Variants in ANKRD44 observed in about 807,000 individuals in gnomAD.
The protein encoded by ANKRD44 is serine/threonine-protein phosphatase 6 regulatory ankyrin repeat subunit B.
ANKRD44 carries 35 observed loss-of-function variants against 116.0 expected under a neutral mutation model. That is an observed-to-expected ratio of 0.30 (90% confidence interval 0.23 to 0.40). The LOEUF (loss-of-function observed/expected upper bound fraction) is 0.40. Among genes scored for constraint, ANKRD44 ranks in the 10% least tolerant of loss-of-function variants. ANKRD44 has a pLI of 1.00. For synonymous variants in ANKRD44, 435 were observed against 461.8 expected (o/e 0.94, Z 0.74); for missense variants, 1,014 against 1,242.6 (o/e 0.82, Z 2.77).
intron 21 of ANKRD44, among the ~76,000 whole-genome samples, chr2:196,974,478 T>C (rs1360506327): frequency 6.6e-6 from 1 of 152,166 alleles, no homozygotes; most frequent in East Asian, 1.9e-4. Flanking sequence ...AAATGCAATA[T>C]ACCAAAACAT....
rs1014947133 is a variant in ANKRD44, at chr2:197,249,422, C to G, written c.27+61156G>C. Among the ~76,000 whole-genome samples the G allele has an allele frequency of 7.9e-5, 12 of 152,176 alleles. No individual in the cohort carries two copies. The East Asian group carries it at 2.3e-3, about 29-fold the overall frequency. ...AGAGGAAGAGCTTCCCAGTTTTGCT[C>G]TACATGTGGGAGAATGTGGTGGCCA... On this transcript the variant is annotated intron_variant, in intron 1 of 27. Transcript: ENST00000282272.
At chr2:197,179,350 A>G in intron 2 of ANKRD44, among the ~76,000 whole-genome samples, 1 of 152,152 alleles carries the variant, frequency 6.6e-6, no homozygotes, top group Non-Finnish European at 1.5e-5. Flanking sequence ...CCTACCACCA[A>G]ATCGCCCTGA....
intron 2 of ANKRD44, among the ~76,000 whole-genome samples, chr2:197,178,464 C>A (rs1458684932): frequency 6.7e-6 from 1 of 150,138 alleles, no homozygotes; most frequent in Non-Finnish European, 1.5e-5. Flanking sequence ...GAGTGAAACC[C>A]TGTCTCTAAA....
chr2:197,054,168 A>G (rs113497657), intron 16 of ANKRD44, among the ~76,000 whole-genome samples: 35 of 152,244 alleles, frequency 2.3e-4, no homozygotes, highest in Non-Finnish European at 5.0e-4. Context: ...TATGTAATGT[A>G]AACACTTAAT....
rs1354718783 is a variant in ANKRD44, at chr2:197,110,762, T to C, written c.985+4A>G. On this transcript the variant is annotated splice_donor_region_variant and intron_variant, in intron 9 of 27. Coordinates refer to ENST00000282272, the MANE Select transcript of ANKRD44 (RefSeq NM_001195144.2). ...TAATGACACTACTGAAGCATCTCTC[T>C]TACCATTCTGAATGAGGGTCTGTGA... 7 of 1,611,774 alleles carry C rather than the reference T, an allele frequency of 4.3e-6. No individual in the cohort carries two copies. Among genetic ancestry groups the C allele is most frequent in the Non-Finnish European group, 3.4e-6 (4 of 1,177,976 alleles).
At chr2:196,996,809 C>CAGGAG (rs2076020419) in intron 25 of ANKRD44, among the ~76,000 whole-genome samples, 1 of 146,762 alleles carries the variant, frequency 6.8e-6, no homozygotes, top group Admixed American at 7.2e-5. Flanking sequence ...GTGGCTGAGG[C>CAGGAG]AGGAGAATCA....
At chr2:197,103,168 C>CA (rs2078339750) in intron 9 of ANKRD44, among the ~76,000 whole-genome samples, 5 of 146,458 alleles carry the variant, frequency 3.4e-5, no homozygotes, top group African/African-American at 1.3e-4. Context: ...GCAGAGCTTG[C>CA]AGTGAGCCAA....
intron 23 of ANKRD44, 67 bp downstream of exon 23, chr2:197,000,352 A>G: frequency 1.6e-6 from 2 of 1,212,818 alleles, no homozygotes; most frequent in Non-Finnish European, 1.2e-6. Flanking sequence ...ATGTTTGGCT[A>G]CTCTGCAACT....
At chr2:197,164,321 C>T (rs2080048163) in intron 2 of ANKRD44, among the ~76,000 whole-genome samples, 1 of 152,208 alleles carries the variant, frequency 6.6e-6, no homozygotes, top group Admixed American at 6.5e-5. Flanking sequence ...TCTGGCAGCA[C>T]AAGGTCAAAG....
chr2:197,248,699 A>G (rs1050270601), intron 1 of ANKRD44, among the ~76,000 whole-genome samples: 3 of 151,642 alleles, frequency 2.0e-5, no homozygotes, highest in African/African-American at 7.3e-5. Flanking sequence ...CCAACTTGCT[A>G]TGGAGGACTG....
chr2:197,125,790 A>T, intron 5 of ANKRD44, 47 bp downstream of exon 5: 1 of 1,582,748 alleles, frequency 6.3e-7, no homozygotes, highest in Non-Finnish European at 8.7e-7. Flanking sequence ...CTTGTGGCTG[A>T]AAGTCCTGGA....
intron 1 of ANKRD44, among the ~76,000 whole-genome samples, chr2:197,297,162 T>G (rs1406275528): frequency 1.3e-5 from 2 of 152,226 alleles, no homozygotes; most frequent in African/African-American, 4.8e-5. Flanking sequence ...AACATAAGAT[T>G]CTTTGGTCAA....
At chr2:196,976,429 T>C (rs575621292) in intron 21 of ANKRD44, among the ~76,000 whole-genome samples, 1 of 152,214 alleles carries the variant, frequency 6.6e-6, no homozygotes, top group African/African-American at 2.4e-5. Flanking sequence ...TATTCAACAT[T>C]ATAGTGGAGG....
At chr2:197,306,213 G>A (rs1480733518) in intron 1 of ANKRD44, among the ~76,000 whole-genome samples, 1 of 152,048 alleles carries the variant, frequency 6.6e-6, no homozygotes, top group Non-Finnish European at 1.5e-5. Flanking sequence ...TAATCCCATG[G>A]CTGCACTGCC....
In ANKRD44 at chr2:197,019,668, CCCGTAA is replaced by C. The variant is rs567313603; in HGVS notation, c.1722+5522_1722+5527del. Among the ~76,000 whole-genome samples, 458 of 152,266 alleles carry C rather than the reference CCCGTAA, an allele frequency of 3.0e-3. 1 individual carries two copies. Among genetic ancestry groups the C allele is most frequent in the African/African-American group, 9.7e-3 (401 of 41,546 alleles). ...GCAACATGACCATAAGTTATATGTT[CCCGTAA>C]CCTTTTATTATAGGAAATTCCAAAC... On this transcript the variant is annotated intron_variant, in intron 17 of 27. Transcript: ENST00000282272.
At chr2:197,186,675 GGTCT>G (rs1269860250) in intron 2 of ANKRD44, among the ~76,000 whole-genome samples, 1 of 118,854 alleles carries the variant, frequency 8.4e-6, no homozygotes, top group Non-Finnish European at 1.7e-5. Context: ...ATGTTGCCCA[GGTCT>G]CAAACTCCTG....
At chr2:197,140,206 T>C (rs2079326675) in intron 3 of ANKRD44, among the ~76,000 whole-genome samples, 1 of 152,092 alleles carries the variant, frequency 6.6e-6, no homozygotes, top group Non-Finnish European at 1.5e-5. Flanking sequence ...ACACTTTCAG[T>C]TTCAAAAGGT....
chr2:197,289,874 C>CTT (rs1220826428), intron 1 of ANKRD44, among the ~76,000 whole-genome samples: 6 of 144,252 alleles, frequency 4.2e-5, no homozygotes, highest in Non-Finnish European at 6.1e-5. Context: ...CAATTTTTCT[C>CTT]TTTTTTTTTT....
chr2:197,016,874 C>G (rs1044270690), intron 17 of ANKRD44, among the ~76,000 whole-genome samples: 1 of 151,966 alleles, frequency 6.6e-6, no homozygotes. Flanking sequence ...AGGCTCAGCA[C>G]AGACAAAAGA....
Sources: allele counts gnomAD v4.1 joint callset (sites outside exome capture counted in the v4.1 genomes callset), GRCh38; gene constraint gnomAD v4.1.1; transcripts MANE v1.5; gene names NCBI Gene and HGNC (gene_info 2026-07-23, HGNC 2026-07-21).